Variants in FIG4 observed in about 807,000 individuals in gnomAD.
FIG4 encodes polyphosphoinositide phosphatase.
FIG4 carries 112 observed loss-of-function variants against 118.6 expected under a neutral mutation model. The observed-to-expected ratio is 0.94, with a 90% CI of 0.81 to 1.11. The LOEUF (loss-of-function observed/expected upper bound fraction) is 1.11, where lower values mean the gene tolerates loss of function less well. FIG4 is among the 50% of genes least tolerant of loss of function. The pLI is 0.00. For missense variants in FIG4, 969 were observed against 1,111.7 expected, an observed-to-expected ratio of 0.87 and a Z score of 1.83; for synonymous variants, 369 against 381.2, an observed-to-expected ratio of 0.97 and a Z score of 0.37.
intron 10 of FIG4, among the ~76,000 whole-genome samples, chr6:109,754,141 T>C (rs568966617): frequency 6.6e-6 from 1 of 152,334 alleles, no homozygotes; most frequent in East Asian, 1.9e-4. Context: ...TGAGAGTTTT[T>C]AGCATGAAGC....
intron 18 of FIG4, among the ~76,000 whole-genome samples, chr6:109,787,608 G>GA (rs567118137): frequency 8.1e-4 from 123 of 152,224 alleles, no homozygotes; most frequent in African/African-American, 2.7e-3. Flanking sequence ...AATGATGTCG[G>GA]AAAAAACAAC....
At position 109,727,169 on chromosome 6, in the gene FIG4, C is replaced by A; in HGVS notation, c.350C>A (p.Ala117Glu). 1.9e-6 allele frequency: 3 copies of A among 1,610,178 alleles called. No individual in the cohort carries two copies. The highest frequency in any genetic ancestry group is 2.5e-6 in the Non-Finnish European group (3 of 1,176,570). ...TTAATAACTAAAAGGAGGAAGATGG[C>A]GGATATTGGAGGTCATGCAATCTAT... is the stretch of plus-strand genomic sequence containing the variant. ...IVLITKRRKM[A>E]DIGGHAIYKV... Residue 117 changes from alanine to glutamate, a missense_variant, in exon 4 of 23, where the codon GCG (alanine) becomes GAG (glutamate). This residue lies in a region of FIG4 where 393 missense variants were observed against 409.4 expected (regional missense o/e 0.96). Coordinates refer to ENST00000230124, the MANE Select transcript of FIG4 (RefSeq NM_014845.6).
At chr6:109,703,746 G>A (rs1420674642) in intron 1 of FIG4, among the ~76,000 whole-genome samples, 1 of 152,154 alleles carries the variant, frequency 6.6e-6, no homozygotes, top group East Asian at 1.9e-4. Flanking sequence ...CCTGTCATCA[G>A]ATGCTCTGTC....
At position 109,691,367 on chromosome 6, in the gene FIG4, T is replaced by C; in HGVS notation, c.-69T>C. On this transcript the variant is annotated 5_prime_UTR_variant, in exon 1 of 23. Coordinates refer to ENST00000230124, the MANE Select transcript of FIG4 (RefSeq NM_014845.6). ...CTTGATGTCCAGGGCCTGAGGGGTTTTCTCGCCGAGTCTCCTGGGGCGGTC... is the reference window on the plus strand; with the variant it reads ...CTTGATGTCCAGGGCCTGAGGGGTTCTCTCGCCGAGTCTCCTGGGGCGGTC... 1 of 1,339,422 alleles carries C rather than the reference T, an allele frequency of 7.5e-7. No homozygotes were observed. The highest frequency in any genetic ancestry group is 1.0e-6 in the Non-Finnish European group (1 of 952,998). 83.0% of individuals were successfully genotyped at this position (1,339,422 alleles called of 1,614,324 possible).
chr6:109,716,854 T>TA (rs1043492187), intron 3 of FIG4, among the ~76,000 whole-genome samples: 2 of 152,214 alleles, frequency 1.3e-5, no homozygotes, highest in African/African-American at 2.4e-5. Flanking sequence ...AATGAAAAAG[T>TA]AAAAATTAGC....
At chr6:109,758,814 A>G (rs1777005831) in intron 10 of FIG4, among the ~76,000 whole-genome samples, 1 of 152,240 alleles carries the variant, frequency 6.6e-6, no homozygotes, top group African/African-American at 2.4e-5. Context: ...ACTTCTCAAA[A>G]GGACACATTT....
At position 109,806,787 on chromosome 6, in the gene FIG4, G is replaced by A. The variant is rs6935696; in HGVS notation, c.2546+9936G>A. Reference sequence around the variant, plus strand: ...TATCCCTCCCCTAGTTCCCCAACCCGCAACAGGCCCTCCCTGTGTCCATGT... The same window carrying A: ...TATCCCTCCCCTAGTTCCCCAACCCACAACAGGCCCTCCCTGTGTCCATGT... On this transcript the variant is annotated intron_variant, in intron 22 of 22. Transcript: ENST00000230124. Among the ~76,000 whole-genome samples, 14 of 151,326 alleles carry A rather than the reference G, an allele frequency of 9.3e-5. No homozygotes were observed. The East Asian group carries it at 9.7e-4, about 10-fold the overall frequency.
intron 1 of FIG4, among the ~76,000 whole-genome samples, chr6:109,712,594 G>A (rs1486778423): frequency 6.6e-6 from 1 of 152,066 alleles, no homozygotes; most frequent in Non-Finnish European, 1.5e-5. Flanking sequence ...GTTCTATCAG[G>A]TCAGAAATGT....
chr6:109,802,738 G>A (rs1411749183), intron 22 of FIG4, among the ~76,000 whole-genome samples: 3 of 152,212 alleles, frequency 2.0e-5, no homozygotes, highest in African/African-American at 4.8e-5. Flanking sequence ...TAGAAAAAGA[G>A]AAGAGGAGTA....
chr6:109,754,137 T>A (rs1183991510), intron 10 of FIG4, among the ~76,000 whole-genome samples: 6 of 152,026 alleles, frequency 3.9e-5, no homozygotes, highest in African/African-American at 1.5e-4. Flanking sequence ...TTATTGAGAG[T>A]TTTTAGCATG....
At chr6:109,802,740 A>G (rs930671835) in intron 22 of FIG4, among the ~76,000 whole-genome samples, 1 of 152,226 alleles carries the variant, frequency 6.6e-6, no homozygotes, top group Non-Finnish European at 1.5e-5. Flanking sequence ...GAAAAAGAGA[A>G]GAGGAGTAAG....
intron 22 of FIG4, 89 bp from the exon 23 acceptor site, chr6:109,824,999 A>T: frequency 8.2e-7 from 1 of 1,220,258 alleles, no homozygotes; most frequent in Non-Finnish European, 1.2e-6. Context: ...ATTCAATGCC[A>T]GCGACTCTCA....
At chr6:109,804,161 G>C (rs1393396328) in intron 22 of FIG4, among the ~76,000 whole-genome samples, 1 of 152,042 alleles carries the variant, frequency 6.6e-6, no homozygotes, top group Admixed American at 6.6e-5. Context: ...AGCAGATTTG[G>C]ATATCTGATG....
rs924854980 is a variant in FIG4, at chr6:109,783,486, G to A, written c.1890-1484G>A. 3.3e-5 allele frequency among the ~76,000 whole-genome samples: 5 copies of A among 152,098 alleles called. No homozygotes were observed. In the East Asian group the frequency reaches 7.7e-4, roughly 23 times the overall value. ...TTCCCTCTTGTGTTTTTTCTTTCAG[G>A]TGCGAAACTTGTTATGGCTAGGGAG... On this transcript the variant is annotated intron_variant, in intron 16 of 22. Coordinates refer to ENST00000230124, the MANE Select transcript of FIG4 (RefSeq NM_014845.6).
At chr6:109,814,048 A>G (rs1226086799) in intron 22 of FIG4, among the ~76,000 whole-genome samples, 1 of 152,226 alleles carries the variant, frequency 6.6e-6, no homozygotes, top group Admixed American at 6.5e-5. Context: ...GGCTTAAGGT[A>G]CATCACAAAT....
At chr6:109,748,353 C>G (rs1009237956) in intron 10 of FIG4, among the ~76,000 whole-genome samples, 3 of 152,024 alleles carry the variant, frequency 2.0e-5, no homozygotes, top group African/African-American at 2.4e-5. Flanking sequence ...ATACTGTGAT[C>G]GAAGTGGTCC....
intron 7 of FIG4, among the ~76,000 whole-genome samples, chr6:109,740,297 T>A (rs1194071963): frequency 6.6e-6 from 1 of 152,166 alleles, no homozygotes; most frequent in Non-Finnish European, 1.5e-5. Flanking sequence ...TGATAGATGA[T>A]CATTTTAAAG....
chr6:109,750,830 C>G (rs1776672379), intron 10 of FIG4, among the ~76,000 whole-genome samples: 1 of 152,092 alleles, frequency 6.6e-6, no homozygotes, highest in African/African-American at 2.4e-5. Flanking sequence ...TCCTCTCCAT[C>G]CCACGAAATG....
intron 15 of FIG4, among the ~76,000 whole-genome samples, chr6:109,772,685 T>C (rs779984783): frequency 2.0e-4 from 30 of 152,244 alleles, no homozygotes; most frequent in South Asian, 6.2e-4. Context: ...ACTCCCGACC[T>C]CAGGTGATCT....
Sources: allele counts gnomAD v4.1 joint callset (sites outside exome capture counted in the v4.1 genomes callset), GRCh38; gene constraint gnomAD v4.1.1; regional missense constraint gnomAD v4.1.1; transcripts MANE v1.5; gene names NCBI Gene and HGNC (gene_info 2026-07-23, HGNC 2026-07-21).